The following DAB1 variants were observed in gnomAD, a reference collection of about 807,000 sequenced individuals.
DAB1 encodes DAB adaptor protein 1, also known as disabled homolog 1.
A neutral mutation model predicts 64.6 loss-of-function variants in DAB1; 15 were observed. The ratio of observed to expected loss-of-function variants is 0.23; its 90% CI spans 0.16 to 0.36. The LOEUF (loss-of-function observed/expected upper bound fraction) is 0.36. Ranked by LOEUF, DAB1 falls within the 10% of genes least tolerant of loss-of-function variation. The pLI, the probability that DAB1 is intolerant of heterozygous loss-of-function variation, is 1.00. For synonymous variants in DAB1, 235 were observed against 251.9 expected (o/e 0.93, Z 0.64); for missense variants, 596 against 706.7 (o/e 0.84, Z 1.78).
intron 2 of DAB1, among the ~76,000 whole-genome samples, chr1:57,155,839 A>C (rs1450486377): frequency 1.3e-5 from 2 of 150,030 alleles, no homozygotes; most frequent in African/African-American, 4.9e-5. Flanking sequence ...CTATTAGCAT[A>C]TAGAAATGCT....
At chr1:57,145,172 G>T in intron 3 of DAB1, 118 bp downstream of exon 3, 1 of 1,027,876 alleles carries the variant, frequency 9.7e-7, no homozygotes, top group Non-Finnish European at 1.4e-6. Context: ...TGATTCAACA[G>T]TAAGCCAAGT....
intron 7 of DAB1, among the ~76,000 whole-genome samples, chr1:57,440,187 T>G (rs1383416584): frequency 7.2e-5 from 11 of 152,240 alleles, no homozygotes; most frequent in Non-Finnish European, 1.3e-4. Context: ...GATTCCTTTC[T>G]GTATTTTACC....
At chr1:58,363,428 G>A (rs1403603289) in intron 3 of DAB1, among the ~76,000 whole-genome samples, 3 of 152,170 alleles carry the variant, frequency 2.0e-5, no homozygotes, top group South Asian at 2.1e-4. Context: ...AAGCTGCAGC[G>A]AGGCAACTGG....
chr1:58,286,752 C>T (rs1399479975), intron 4 of DAB1, among the ~76,000 whole-genome samples: 1 of 152,190 alleles, frequency 6.6e-6, no homozygotes, highest in African/African-American at 2.4e-5. Flanking sequence ...TTGTGAAAGA[C>T]AGTGTGGTGA....
At chr1:57,917,947 A>T (rs1409517582) in intron 5 of DAB1, among the ~76,000 whole-genome samples, 14 of 152,102 alleles carry the variant, frequency 9.2e-5, no homozygotes, top group Admixed American at 9.2e-4. Context: ...GGGAGCCTGT[A>T]ATCCCAGCTA....
Position 57,892,892 on chromosome 1 carries a change from C to T in DAB1, n.388-8730G>A, listed in dbSNP as rs1034224117. On this transcript the variant is annotated intron_variant and non_coding_transcript_variant, in intron 5 of 20. Coordinates refer to the DAB1 transcript ENST00000485760. The stretch of plus-strand genomic sequence containing the variant: ...CATAGAACTTAGCAACTTTTCCAAC[C>T]TTCTCTGGCAACAATTATTTTATGT... 2.6e-5 allele frequency among the ~76,000 whole-genome samples: 4 copies of T among 151,938 alleles called. 1 individual carries two copies. Among genetic ancestry groups the T allele is most frequent in the African/African-American group, 4.8e-5 (2 of 41,344 alleles).
intron 2 of DAB1, among the ~76,000 whole-genome samples, chr1:58,521,690 A>C (rs978422948): frequency 9.9e-5 from 15 of 152,264 alleles, no homozygotes; most frequent in African/African-American, 3.6e-4. Context: ...AAATTCCTAG[A>C]AAAACTACAA....
chr1:58,520,526 C>T (rs922155490), intron 2 of DAB1, among the ~76,000 whole-genome samples: 3 of 152,140 alleles, frequency 2.0e-5, no homozygotes, highest in Non-Finnish European at 4.4e-5. Context: ...AATAGACTAA[C>T]TTTTCCCCAA....
chr1:57,005,099 G>T (rs1249276319), intron 14 of DAB1, among the ~76,000 whole-genome samples: 1 of 152,176 alleles, frequency 6.6e-6, no homozygotes, highest in African/African-American at 2.4e-5. Flanking sequence ...CTTAGGGATT[G>T]ACACTGCCGA....
chr1:58,085,216 G>A (rs1650231263), intron 5 of DAB1, among the ~76,000 whole-genome samples: 1 of 152,136 alleles, frequency 6.6e-6, no homozygotes, highest in Non-Finnish European at 1.5e-5. Context: ...ATGCCCTTGT[G>A]GGATCTTGTC....
chr1:58,504,543 T>C (rs1378066943), intron 3 of DAB1, among the ~76,000 whole-genome samples: 1 of 152,194 alleles, frequency 6.6e-6, no homozygotes, highest in Non-Finnish European at 1.5e-5. Context: ...TATTATTGCT[T>C]GGCATACTAT....
In DAB1 at chr1:57,688,043, G is replaced by A. The variant is rs181021140; in HGVS notation, n.552-38378C>T. 1.6e-3 allele frequency among the ~76,000 whole-genome samples: 239 copies of A among 152,138 alleles called. 2 individuals carry two copies. The highest frequency in any genetic ancestry group is 3.4e-3 in the Middle Eastern group (1 of 294). The stretch of plus-strand genomic sequence containing the variant: ...CTAAGTGCCCAAAAGCAATTGCAAC[G>A]AAACCAAAAAATTGACAAACAGTAC... On this transcript the variant is annotated intron_variant and non_coding_transcript_variant, in intron 6 of 20. Transcript: ENST00000485760.
chr1:57,439,057 G>A (rs1685807932), intron 7 of DAB1, among the ~76,000 whole-genome samples: 1 of 152,178 alleles, frequency 6.6e-6, no homozygotes, highest in African/African-American at 2.4e-5. Flanking sequence ...TGATTCAAGG[G>A]TGGGTAGAGA....
At chr1:58,218,445 A>G (rs142064154) in intron 4 of DAB1, among the ~76,000 whole-genome samples, 110 of 152,332 alleles carry the variant, frequency 7.2e-4, no homozygotes, top group Non-Finnish European at 1.2e-3. Context: ...GGGACATTAC[A>G]TCAGGCCAGG....
chr1:57,473,798 C>T (rs542441041), intron 7 of DAB1, among the ~76,000 whole-genome samples: 2 of 152,264 alleles, frequency 1.3e-5, no homozygotes, highest in African/African-American at 4.8e-5. Flanking sequence ...TTATCTCTGT[C>T]TTTGTTATCT....
chr1:58,337,687 A>G (rs1424474139), intron 4 of DAB1, among the ~76,000 whole-genome samples: 1 of 152,178 alleles, frequency 6.6e-6, no homozygotes, highest in Admixed American at 6.5e-5. Flanking sequence ...GTATAAGGGA[A>G]ACACCTTATA....
chr1:57,330,786 T>C (rs1250027291), intron 1 of DAB1, among the ~76,000 whole-genome samples: 4 of 151,694 alleles, frequency 2.6e-5, no homozygotes, highest in Non-Finnish European at 5.9e-5. Flanking sequence ...CTCCACACTA[T>C]GGTCCAGACT....
intron 2 of DAB1, among the ~76,000 whole-genome samples, chr1:58,515,748 A>G (rs574992430): frequency 9.8e-5 from 15 of 152,348 alleles, no homozygotes; most frequent in African/African-American, 3.6e-4. Context: ...ACTAACCTGA[A>G]AAATAAGAAC....
chr1:57,802,383 A>G lies in DAB1; in HGVS notation n.551+81616T>C, dbSNP rs1651168073. On this transcript the variant is annotated intron_variant and non_coding_transcript_variant, in intron 6 of 20. Coordinates refer to the DAB1 transcript ENST00000485760. ...TCTCTGGAGGAAGATGCAGAGACACAATTGGGGTACCAGATTTTAAACAGA... is the reference window on the plus strand; with the variant it reads ...TCTCTGGAGGAAGATGCAGAGACACGATTGGGGTACCAGATTTTAAACAGA... Among the ~76,000 whole-genome samples the G allele has an allele frequency of 4.0e-5, 6 of 151,512 alleles. No homozygotes were observed. The South Asian group carries it at 1.2e-3, about 32-fold the overall frequency.
Sources: allele counts gnomAD v4.1 joint callset (sites outside exome capture counted in the v4.1 genomes callset), GRCh38; gene constraint gnomAD v4.1.1; transcripts MANE v1.5; gene names NCBI Gene and HGNC (gene_info 2026-07-23, HGNC 2026-07-21).